PCDHGA9: variants seen among roughly 807,000 people sequenced by gnomAD.
PCDHGA9 encodes the protein protocadherin gamma subfamily A, 9.
A neutral mutation model predicts 62.5 loss-of-function variants in PCDHGA9; 37 were observed. That is an observed-to-expected ratio of 0.59 (90% CI 0.46 to 0.78). PCDHGA9 has a LOEUF of 0.78. Ranked by LOEUF, PCDHGA9 falls within the 30% of genes least tolerant of loss-of-function variation. The pLI is 0.00. For missense variants in PCDHGA9, 1,138 were observed against 1,166.2 expected (o/e 0.98, Z 0.35); for synonymous variants, 459 against 484.6 (o/e 0.95, Z 0.69).
chr5:141,421,548 G>A, intron 1 of PCDHGA9: 19 of 1,613,984 alleles, frequency 1.2e-5, no homozygotes, highest in Non-Finnish European at 1.6e-5. Flanking sequence ...TTTTAAATAT[G>A]GAACTTCTCG....
intron 1 of PCDHGA9, chr5:141,410,576 C>T (rs533810160): frequency 8.7e-6 from 14 of 1,611,152 alleles, no homozygotes; most frequent in Non-Finnish European, 1.2e-5. Context: ...AATTCCACCT[C>T]ATGGTGGGGA....
Position 141,421,318 on chromosome 5 carries a change from C to T in PCDHGA9, c.2424+15942C>T, listed in dbSNP as rs370020854. 5.6e-6 allele frequency: 9 copies of T among 1,613,824 alleles called. No homozygotes were observed. In the East Asian group the frequency reaches 2.0e-4, roughly 36 times the overall value. On this transcript the variant is annotated intron_variant, in intron 1 of 3. Coordinates refer to ENST00000573521, the MANE Select transcript of PCDHGA9 (RefSeq NM_018921.3). ...GACGCTGCGGGGGTTCCGGGCCAGG[C>T]AGATCCGATATTCGGTGCCAGAAGA...
intron 1 of PCDHGA9, among the ~76,000 whole-genome samples, chr5:141,466,268 T>A (rs568525260): frequency 6.6e-6 from 1 of 152,150 alleles, no homozygotes; most frequent in Non-Finnish European, 1.5e-5. Context: ...CCTCGTGAGC[T>A]CAAGCAATCT....
At chr5:141,478,891 A>G (rs1045274228) in intron 1 of PCDHGA9, 10 of 1,122,064 alleles carry the variant, frequency 8.9e-6, no homozygotes, top group Admixed American at 3.1e-5. Context: ...TATCATTTAC[A>G]TTAGGAATAA....
chr5:141,407,009 T>C (rs1388688972), intron 1 of PCDHGA9, among the ~76,000 whole-genome samples: 1 of 152,198 alleles, frequency 6.6e-6, no homozygotes, highest in Non-Finnish European at 1.5e-5. Flanking sequence ...AGCTTTGAAG[T>C]TGACTCAAAA....
At chr5:141,469,885 C>A (rs1464434089) in intron 1 of PCDHGA9, among the ~76,000 whole-genome samples, 3 of 152,204 alleles carry the variant, frequency 2.0e-5, no homozygotes, top group African/African-American at 4.8e-5. Context: ...AATCTCGGCA[C>A]TTTGGGAAGC....
At position 141,505,383 on chromosome 5, in the gene PCDHGA9, C is replaced by G. The variant is rs369765886; in HGVS notation, c.2484-10C>G. On this transcript the variant is annotated splice_polypyrimidine_tract_variant and intron_variant, in intron 2 of 3. Transcript: ENST00000573521. ...GGGAGTCTGTGCTCACCATCCTACT[C>G]TCTCCCCAGCTCCCAAAATGGCGAT... The G allele has an allele frequency of 6.2e-7, 1 of 1,613,944 alleles. No homozygotes were observed. The highest frequency in any genetic ancestry group is 1.3e-5 in the African/African-American group (1 of 74,914).
chr5:141,501,066 A>G (rs2099805322), intron 2 of PCDHGA9, among the ~76,000 whole-genome samples: 1 of 151,976 alleles, frequency 6.6e-6, no homozygotes, highest in South Asian at 2.1e-4. Flanking sequence ...ACGGGGTTTC[A>G]CCATGTTGAC....
In PCDHGA9 at chr5:141,432,006, C is replaced by T. The variant is rs138689793; in HGVS notation, c.2424+26630C>T. Reference sequence around the variant, plus strand: ...ATAGTCTTGGATAGGGAACAGGTTCCTAGCTACAACATCACAGTGACCGCC... The same window carrying T: ...ATAGTCTTGGATAGGGAACAGGTTCTTAGCTACAACATCACAGTGACCGCC... On this transcript the variant is annotated intron_variant, in intron 1 of 3. Transcript: ENST00000573521. This position sits in a 1 kb window ranked among gnomAD's most constrained non-coding sequence, Gnocchi z 6.0. The T allele has an allele frequency of 2.6e-4, 412 of 1,614,186 alleles. 2 individuals carry two copies. The African/African-American group carries it at 4.6e-3, about 18-fold the overall frequency.
chr5:141,421,964 C>T (rs772274014), intron 1 of PCDHGA9: 3 of 1,611,472 alleles, frequency 1.9e-6, no homozygotes, highest in Non-Finnish European at 1.7e-6. Flanking sequence ...TTTACACAGT[C>T]CGTATATCGC....
Position 141,486,046 on chromosome 5 carries a change from C to G in PCDHGA9, c.2425-8761C>G. 1.2e-6 allele frequency: 2 copies of G among 1,614,170 alleles called. No individual in the cohort carries two copies. Among genetic ancestry groups the G allele is most frequent in the Non-Finnish European group, 1.7e-6 (2 of 1,180,036 alleles). The stretch of plus-strand genomic sequence containing the variant: ...GTCATACCCCTGATCGTGTAAGAAA[C>G]CTCTTTAGCCTGCACCCCACTACTG... On this transcript the variant is annotated intron_variant, in intron 1 of 3. Coordinates refer to ENST00000573521, the MANE Select transcript of PCDHGA9 (RefSeq NM_018921.3). This position sits in a 1 kb window ranked among gnomAD's most constrained non-coding sequence, Gnocchi z 5.0.
chr5:141,428,007 A>G, intron 1 of PCDHGA9: 1 of 1,602,018 alleles, frequency 6.2e-7, no homozygotes, highest in Non-Finnish European at 8.5e-7. Flanking sequence ...ACTCTTCGAT[A>G]TAGTGCCACG....
Position 141,477,568 on chromosome 5 carries a change from C to T in PCDHGA9, c.2425-17239C>T, listed in dbSNP as rs2099413139. The T allele has an allele frequency of 6.2e-7, 1 of 1,614,172 alleles. No individual in the cohort carries two copies. The highest frequency in any genetic ancestry group is 1.7e-4 in the Middle Eastern group (1 of 6,060). On this transcript the variant is annotated intron_variant, in intron 1 of 3. Transcript: ENST00000573521. This position sits in a 1 kb window ranked among gnomAD's most constrained non-coding sequence, Gnocchi z 4.9. ...TACTAAACCTAAGTGTCTGGGACCC[C>T]GACGCCCCGCAGAATGCTCGGCTTT...
At chr5:141,422,872 C>T (rs773469060) in intron 1 of PCDHGA9, 19 of 1,614,134 alleles carry the variant, frequency 1.2e-5, no homozygotes, top group African/African-American at 2.7e-5. Flanking sequence ...CAACGTGTCG[C>T]TGAGCCTGTT....
At chr5:141,426,826 T>C (rs2096963111) in intron 1 of PCDHGA9, 1 of 456,600 alleles carries the variant, frequency 2.2e-6, no homozygotes, top group Admixed American at 2.3e-5. Flanking sequence ...TCTCTGATGA[T>C]GGACAAGACT....
At chr5:141,499,606 C>T (rs2099792968) in intron 2 of PCDHGA9, among the ~76,000 whole-genome samples, 1 of 152,028 alleles carries the variant, frequency 6.6e-6, no homozygotes, top group African/African-American at 2.4e-5. Context: ...TATCCCTACC[C>T]TTATCCTGTC....
At chr5:141,422,812 T>A in intron 1 of PCDHGA9, 1 of 1,614,206 alleles carries the variant, frequency 6.2e-7, no homozygotes, top group Non-Finnish European at 8.5e-7. Context: ...GTTTCGAGAC[T>A]TAGAACTGAG....
intron 1 of PCDHGA9, among the ~76,000 whole-genome samples, chr5:141,457,187 G>A (rs1314148733): frequency 1.3e-5 from 2 of 152,210 alleles, no homozygotes; most frequent in Admixed American, 1.3e-4. Flanking sequence ...ATAGTAGAGT[G>A]AGGAAAGCAG....
intron 1 of PCDHGA9, among the ~76,000 whole-genome samples, chr5:141,471,999 T>C (rs577046645): frequency 3.9e-5 from 6 of 152,230 alleles, no homozygotes; most frequent in Admixed American, 2.0e-4. Flanking sequence ...AATCCCTGCA[T>C]CGTATAGGGG....
Sources: allele counts gnomAD v4.1 joint callset (sites outside exome capture counted in the v4.1 genomes callset), GRCh38; gene constraint gnomAD v4.1.1; non-coding constraint Gnocchi (gnomAD v3.1); transcripts MANE v1.5; gene names NCBI Gene and HGNC (gene_info 2026-07-23, HGNC 2026-07-21).